THRA: variants seen among roughly 807,000 people sequenced by gnomAD.
The protein encoded by THRA is thyroid hormone receptor alpha.
In THRA, 13 loss-of-function variants were observed where a neutral mutation model predicts 45.0. That is an observed-to-expected ratio of 0.29 (90% CI 0.19 to 0.46). The LOEUF is 0.46. Among genes scored for constraint, THRA ranks in the 20% least tolerant of loss-of-function variants. The pLI, the probability that THRA is intolerant of heterozygous loss-of-function variation, is 1.00. For missense variants in THRA, 278 were observed against 556.1 expected (o/e 0.50, Z 5.03); for synonymous variants, 195 against 214.0 (o/e 0.91, Z 0.78).
In THRA at chr17:40,092,381, G is replaced by A. The variant is rs1035128731; in HGVS notation, c.*2925G>A. The A allele has an allele frequency of 3.3e-5, 5 of 152,120 alleles. No individual in the cohort carries two copies. Among genetic ancestry groups the A allele is most frequent in the Non-Finnish European group, 7.3e-5 (5 of 68,248 alleles). The allele number at this position is 152,120 out of a possible 1,614,324, so 9.4% of individuals were successfully genotyped here. On this transcript the variant is annotated 3_prime_UTR_variant, in exon 9 of 9. Transcript: ENST00000450525. ...TGTATGAGAAGCTGGTGCTGGGCTG[G>A]GGGGAGGGGGGTTGTGGCCAGAAAC...
chr17:40,084,935 C>T (rs1567654210), intron 6 of THRA, 120 bp downstream of exon 6: 2 of 1,089,814 alleles, frequency 1.8e-6, no homozygotes, highest in Non-Finnish European at 2.7e-6. Context: ...AATACATACT[C>T]TTCACACTTT....
chr17:40,091,264 A>ACG lies in THRA; in HGVS notation c.*1809_*1810insGC, dbSNP rs1555545358. ...CACACACACACACACACACACACACACACACACGGACATGCACACACGGAC... is the reference window on the plus strand; with the variant it reads ...CACACACACACACACACACACACACACGCACACACGGACATGCACACACGGAC... On this transcript the variant is annotated 3_prime_UTR_variant, in exon 9 of 9. Coordinates refer to ENST00000450525, the MANE Select transcript of THRA (RefSeq NM_199334.5). 1.3e-5 allele frequency: 2 copies of ACG among 155,604 alleles called. No homozygotes were observed. The highest frequency in any genetic ancestry group is 2.4e-5 in the African/African-American group (1 of 40,852). The allele number at this position is 155,604 out of a possible 1,614,324, so 9.6% of individuals were successfully genotyped here.
chr17:40,066,661 C>T (rs1272387982), intron 1 of THRA, among the ~76,000 whole-genome samples: 1 of 100,076 alleles, frequency 1.0e-5, no homozygotes, highest in Non-Finnish European at 1.8e-5. Flanking sequence ...GAGACTCCGT[C>T]TCAAAAAAAA....
At chr17:40,066,411 C>G (rs1355554451) in intron 1 of THRA, among the ~76,000 whole-genome samples, 1 of 152,110 alleles carries the variant, frequency 6.6e-6, no homozygotes, top group African/African-American at 2.4e-5. Flanking sequence ...CACCCGTAAT[C>G]CTAGCACACT....
rs1163264071 is a variant in THRA, at chr17:40,077,586, G to C, written c.200G>C (p.Cys67Ser). The change falls in exon 4 of 9, where the codon TGT becomes TCT. Residue 67 changes from cysteine to serine, a missense_variant. This residue lies in a region of THRA where 20 missense variants were observed against 65.2 expected (regional missense o/e 0.31). Coordinates refer to ENST00000450525, the MANE Select transcript of THRA (RefSeq NM_199334.5). The part of the protein sequence containing the change: ...GDKATGYHYR[C>S]ITCEGCKGFF... ...AAGGCAACTGGTTATCACTACCGCT[G>C]TATCACTTGTGAGGGCTGCAAGGTA... The C allele has an allele frequency of 6.2e-7, 1 of 1,614,004 alleles. No homozygotes were observed.
intron 4 of THRA, 105 bp downstream of exon 4, chr17:40,077,713 T>C: frequency 2.3e-6 from 2 of 886,260 alleles, no homozygotes; most frequent in Non-Finnish European, 3.5e-6. Context: ...TTTTTTTTCT[T>C]TGAGACGGAG....
At chr17:40,075,254 A>G (rs1986910494) in intron 2 of THRA, among the ~76,000 whole-genome samples, 1 of 130,918 alleles carries the variant, frequency 7.6e-6, no homozygotes, top group African/African-American at 2.9e-5. Flanking sequence ...CCCAGTTGGC[A>G]CGGTGCCCTG....
In THRA at chr17:40,088,520, G is replaced by C. The variant is rs758627642; in HGVS notation, c.982+20G>C. On this transcript the variant is annotated intron_variant, in intron 8 of 8. Transcript: ENST00000450525. ...CAACAGGTACCTGCTGATTAGTCGG[G>C]AGGGCTCAGAAGCTTCCAGGGGTCC... 2 of 1,597,944 alleles carry C rather than the reference G, an allele frequency of 1.3e-6. No individual in the cohort carries two copies. The highest frequency in any genetic ancestry group is 3.4e-5 in the Admixed American group (2 of 59,486).
At chr17:40,080,417 C>CA (rs960150178) in intron 4 of THRA, among the ~76,000 whole-genome samples, 1 of 147,466 alleles carries the variant, frequency 6.8e-6, no homozygotes, top group African/African-American at 2.5e-5. Flanking sequence ...AAACAAAAAA[C>CA]AAACAAAAAA....
chr17:40,079,856 C>T (rs1043961837), intron 4 of THRA, among the ~76,000 whole-genome samples: 2 of 152,058 alleles, frequency 1.3e-5, no homozygotes, highest in Non-Finnish European at 2.9e-5. Context: ...TGAGTAAGGT[C>T]AGGAATTTGA....
At chr17:40,084,556 T>C in intron 5 of THRA, 54 bp from the exon 6 acceptor site, 1 of 1,585,414 alleles carries the variant, frequency 6.3e-7, no homozygotes, top group Non-Finnish European at 8.6e-7. Context: ...GGGAGCATTA[T>C]GGAAAGGGGA....
At chr17:40,084,073 G>A (rs1297203331) in intron 5 of THRA, 91 bp downstream of exon 5, 13 of 1,445,170 alleles carry the variant, frequency 9.0e-6, no homozygotes, top group Non-Finnish European at 1.2e-5. Context: ...TACCCTCAGA[G>A]CCCACAGGGC....
intron 1 of THRA, among the ~76,000 whole-genome samples, chr17:40,065,719 T>C (rs1258982225): frequency 1.3e-5 from 2 of 149,926 alleles, no homozygotes; most frequent in African/African-American, 4.9e-5. Context: ...CTTCCTGCAC[T>C]TCCTTAGTGC....
chr17:40,065,902 TC>T (rs1449886272), intron 1 of THRA, among the ~76,000 whole-genome samples: 1 of 151,654 alleles, frequency 6.6e-6, no homozygotes, highest in Non-Finnish European at 1.5e-5. Context: ...ATGAAGAGGC[TC>T]CCCCCACACT....
At chr17:40,082,414 G>T (rs1435640595) in intron 4 of THRA, among the ~76,000 whole-genome samples, 1 of 150,694 alleles carries the variant, frequency 6.6e-6, no homozygotes, top group Middle Eastern at 3.2e-3. Flanking sequence ...TTGAGATGAA[G>T]TCTCACTCTT....
At chr17:40,083,256 A>T (rs1987209882) in intron 4 of THRA, among the ~76,000 whole-genome samples, 1 of 151,748 alleles carries the variant, frequency 6.6e-6, no homozygotes, top group Admixed American at 6.6e-5. Flanking sequence ...TTTAGTAGAG[A>T]CAGGGTTTCA....
At chr17:40,075,566 G>A (rs933885933) in intron 2 of THRA, among the ~76,000 whole-genome samples, 1 of 152,242 alleles carries the variant, frequency 6.6e-6, no homozygotes, top group African/African-American at 2.4e-5. Context: ...GTGTCTCCCA[G>A]CTTAGGCTTC....
chr17:40,068,582 A>G (rs28675221), intron 1 of THRA, among the ~76,000 whole-genome samples: 2,589 of 152,332 alleles, frequency 0.017, 96 homozygotes, highest in African/African-American at 0.06. Flanking sequence ...TGGGTAGACA[A>G]GGGAAGCAAG....
intron 1 of THRA, among the ~76,000 whole-genome samples, chr17:40,069,860 G>A (rs541182158): frequency 6.4e-4 from 98 of 152,226 alleles, no homozygotes; most frequent in African/African-American, 2.2e-3. Flanking sequence ...GCTGGCCCGG[G>A]CAGGAGGAGG....
Sources: allele counts gnomAD v4.1 joint callset (sites outside exome capture counted in the v4.1 genomes callset), GRCh38; gene constraint gnomAD v4.1.1; regional missense constraint gnomAD v4.1.1; transcripts MANE v1.5; gene names NCBI Gene and HGNC (gene_info 2026-07-23, HGNC 2026-07-21).